Variants in ME3 observed in about 807,000 individuals in gnomAD.
ME3 encodes the protein malic enzyme 3.
Under a neutral mutation model 68.9 loss-of-function variants are expected in ME3, and 48 were observed. The ratio of observed to expected loss-of-function variants is 0.70; its 90% CI spans 0.55 to 0.89. The LOEUF (loss-of-function observed/expected upper bound fraction) is 0.89, where lower values mean the gene tolerates loss of function less well. ME3 is among the 40% of genes least tolerant of loss of function. The pLI is 0.00. For missense variants in ME3, 675 were observed against 797.4 expected (o/e 0.85, Z 1.85); for synonymous variants, 320 against 318.8 (o/e 1.00, Z -0.04).
intron 4 of ME3, among the ~76,000 whole-genome samples, chr11:86,539,835 A>G (rs767242355): frequency 6.6e-6 from 1 of 152,232 alleles, no homozygotes; most frequent in African/African-American, 2.4e-5. Context: ...TCACTGGACC[A>G]CATTGGAAAT....
rs558621914 is a variant in ME3 at position 86,481,884 on chromosome 11, C to G, written c.809+5453G>C. 7.9e-5 allele frequency among the ~76,000 whole-genome samples: 12 copies of G among 152,300 alleles called. No individual in the cohort carries two copies. The South Asian group carries it at 1.0e-3, about 13-fold the overall frequency. On this transcript the variant is annotated intron_variant, in intron 7 of 14. Transcript: ENST00000543262. ...CTGCTGCCACCCCTTATTCCATGCT[C>G]AGGGCAGACATTGCTAATCAACCAT... is the stretch of plus-strand genomic sequence containing the variant.
chr11:86,660,480 T>C (rs1946203715), intron 2 of ME3, among the ~76,000 whole-genome samples: 1 of 152,252 alleles, frequency 6.6e-6, no homozygotes. Context: ...TATGTTTTAT[T>C]GTCATCCCTT....
At chr11:86,544,916 C>T (rs1434756723) in intron 4 of ME3, among the ~76,000 whole-genome samples, 4 of 151,926 alleles carry the variant, frequency 2.6e-5, no homozygotes, top group Admixed American at 2.0e-4. Flanking sequence ...TCATCCCTTT[C>T]GATGAGGCAA....
intron 2 of ME3, among the ~76,000 whole-genome samples, chr11:86,576,990 T>C (rs1259517974): frequency 6.6e-6 from 1 of 152,182 alleles, no homozygotes; most frequent in Admixed American, 6.5e-5. Context: ...CTGCCATCTT[T>C]CCTTTCAAAT....
chr11:86,466,076 A>G (rs1333159112), intron 7 of ME3, among the ~76,000 whole-genome samples: 1 of 152,168 alleles, frequency 6.6e-6, no homozygotes, highest in Non-Finnish European at 1.5e-5. Context: ...CTTAAAAATG[A>G]CTGAGTTTGT....
chr11:86,563,551 A>C (rs968790122), intron 2 of ME3, among the ~76,000 whole-genome samples: 1 of 152,038 alleles, frequency 6.6e-6, no homozygotes, highest in South Asian at 2.1e-4. Flanking sequence ...AGTATTTCTT[A>C]TGTTGTCTTT....
At chr11:86,671,987 G>T in intron 1 of ME3, 29 bp from the exon 2 acceptor site, 2 of 1,362,338 alleles carry the variant, frequency 1.5e-6, no homozygotes, top group South Asian at 1.8e-5. Context: ...CAAGGTCAGG[G>T]CCTCCTTCCA....
rs563738961 is a variant in ME3, at chr11:86,617,045, G to GTTTTTTTTTTTTTTTTTTT, written c.183+54698_183+54716dup. On this transcript the variant is annotated intron_variant, in intron 2 of 14. Transcript: ENST00000543262. ...ACATCTAAAATACTCCAAGATAGTA[G>GTTTTTTTTTTTTTTTTTTT]TTTTTTTTTTTTTTTTTTTTTTTTT... Among the ~76,000 whole-genome samples the GTTTTTTTTTTTTTTTTTTT allele has an allele frequency of 2.1e-4, 12 of 56,322 alleles. 2 individuals carry two copies. The highest frequency in any genetic ancestry group is 9.2e-4 in the South Asian group (1 of 1,088). The allele number at this position is 56,322 out of a possible 152,430, so 36.9% of individuals were successfully genotyped here.
intron 6 of ME3, among the ~76,000 whole-genome samples, chr11:86,491,039 A>G (rs1951973569): frequency 6.6e-6 from 1 of 152,202 alleles, no homozygotes; most frequent in South Asian, 2.1e-4. Flanking sequence ...CTTTCCTAAT[A>G]AAATGTTCTA....
chr11:86,541,736 C>T (rs34939684), intron 4 of ME3, among the ~76,000 whole-genome samples: 16,561 of 152,252 alleles, frequency 0.11, 954 homozygotes, highest in African/African-American at 0.14. Flanking sequence ...CAGACTTAAA[C>T]GTTCCTGCCT....
intron 4 of ME3, among the ~76,000 whole-genome samples, chr11:86,547,775 C>G (rs659405): frequency 0.34 from 51,836 of 152,016 alleles, 9,265 homozygotes; most frequent in African/African-American, 0.46. Context: ...GAATGGTCCA[C>G]TCAACTCCTG....
chr11:86,463,232 C>T (rs1950316709), intron 8 of ME3, among the ~76,000 whole-genome samples: 1 of 152,174 alleles, frequency 6.6e-6, no homozygotes, highest in African/African-American at 2.4e-5. Flanking sequence ...GGAGGCTGTG[C>T]ACCAGGTGTG....
chr11:86,463,348 G>C (rs951550668), intron 8 of ME3, among the ~76,000 whole-genome samples: 19 of 152,220 alleles, frequency 1.2e-4, no homozygotes, highest in Non-Finnish European at 2.2e-4. Context: ...ATTCATGCTG[G>C]GGAGCCGGTC....
At chr11:86,500,346 C>T (rs896719574) in intron 5 of ME3, among the ~76,000 whole-genome samples, 9 of 152,244 alleles carry the variant, frequency 5.9e-5, no homozygotes, top group African/African-American at 2.2e-4. Flanking sequence ...GGCACTCTCC[C>T]AGCCTGGACA....
At chr11:86,508,428 C>T (rs1330195093) in intron 5 of ME3, among the ~76,000 whole-genome samples, 3 of 152,168 alleles carry the variant, frequency 2.0e-5, no homozygotes, top group Non-Finnish European at 4.4e-5. Context: ...GTCTTTTGTG[C>T]CTTTGGCTTA....
exon 4 of ME3, chr11:86,556,576 A>G (rs1258687050): frequency 8.1e-6 from 13 of 1,614,136 alleles, no homozygotes; most frequent in East Asian, 2.2e-5. Context: ...AAGTCAGGCC[A>G]TAGTGCTGAC....
chr11:86,559,977 G>A (rs943251124), intron 2 of ME3, among the ~76,000 whole-genome samples, 154 bp from the exon 3 acceptor site: 6 of 152,166 alleles, frequency 3.9e-5, no homozygotes, highest in African/African-American at 1.2e-4. Flanking sequence ...AAGTAGGAGG[G>A]TCATCTTGTG....
chr11:86,645,168 AT>A (rs1408680875), intron 2 of ME3, among the ~76,000 whole-genome samples: 1 of 151,998 alleles, frequency 6.6e-6, no homozygotes. Context: ...CTGCAGGAGT[AT>A]TTTTTTTGTA....
intron 2 of ME3, among the ~76,000 whole-genome samples, chr11:86,623,026 T>G (rs909667329): frequency 2.6e-5 from 4 of 152,236 alleles, no homozygotes; most frequent in African/African-American, 7.2e-5. Context: ...TTGTGATGGT[T>G]AGTTTTATGT....
Sources: gnomAD v4.1 joint callset for allele counts (sites outside exome capture counted in the v4.1 genomes callset) on GRCh38, gnomAD v4.1.1 for gene constraint, MANE v1.5 for transcripts, NCBI Gene and HGNC (gene_info 2026-07-23, HGNC 2026-07-21) for gene names.